Variants in RUNDC3B observed in about 807,000 individuals in gnomAD.
RUNDC3B encodes RUN domain-containing protein 3B.
A neutral mutation model predicts 58.4 loss-of-function variants in RUNDC3B; 33 were observed. The observed-to-expected ratio is 0.56, with a 90% CI of 0.43 to 0.75. The LOEUF is 0.75. Ranked by LOEUF, RUNDC3B falls within the 30% of genes least tolerant of loss-of-function variation. RUNDC3B has a pLI of 0.00. For missense variants in RUNDC3B, 501 were observed against 535.7 expected (o/e 0.94, Z 0.64); for synonymous variants, 193 against 195.2 (o/e 0.99, Z 0.10).
chr7:87,708,833 A>T (rs1228575948), intron 3 of RUNDC3B, among the ~76,000 whole-genome samples: 1 of 152,146 alleles, frequency 6.6e-6, no homozygotes, highest in Non-Finnish European at 1.5e-5. Context: ...TCACACAATT[A>T]TTGGGAGGAT....
chr7:87,830,193 T>C lies in RUNDC3B; in HGVS notation c.*163T>C, dbSNP rs1264420847. ...GATAAGAGATTTTGAGTGAAAAACATAATGATCCTGCCATTTTTCATTTTT... is the reference window on the plus strand; with the variant it reads ...GATAAGAGATTTTGAGTGAAAAACACAATGATCCTGCCATTTTTCATTTTT... On this transcript the variant is annotated 3_prime_UTR_variant, in exon 11 of 11. Coordinates refer to ENST00000394654, the MANE Select transcript of RUNDC3B (RefSeq NM_001134405.2). 2 of 396,516 alleles carry C rather than the reference T, an allele frequency of 5.0e-6. No individual in the cohort carries two copies. Among genetic ancestry groups the C allele is most frequent in the East Asian group, 7.3e-5 (2 of 27,430 alleles). 24.6% of individuals were successfully genotyped at this position (396,516 alleles called of 1,614,324 possible). A position where few individuals can be genotyped will look rare whatever the true frequency, so the allele number is the denominator to read the frequency against.
At position 87,683,597 on chromosome 7, in the gene RUNDC3B, A is replaced by G. The variant is rs563636538; in HGVS notation, c.239-16824A>G. ...GGTAGCTGGAGCATTCAGAACACAC[A>G]CATTTATCAATTAAGCTTGCCATTT... On this transcript the variant is annotated intron_variant, in intron 2 of 10. Transcript: ENST00000394654. Among the ~76,000 whole-genome samples, 7 of 152,286 alleles carry G rather than the reference A, an allele frequency of 4.6e-5. No individual in the cohort carries two copies. The South Asian group carries it at 1.0e-3, about 23-fold the overall frequency.
intron 6 of RUNDC3B, among the ~76,000 whole-genome samples, chr7:87,750,699 G>A (rs1325417020): frequency 1.3e-5 from 2 of 150,796 alleles, no homozygotes; most frequent in Admixed American, 6.6e-5. Flanking sequence ...GTCTGTTCAT[G>A]TCCTTCGCCC....
At chr7:87,820,307 C>T (rs200373955) in intron 10 of RUNDC3B, among the ~76,000 whole-genome samples, 10 of 152,094 alleles carry the variant, frequency 6.6e-5, no homozygotes, top group Non-Finnish European at 1.0e-4. Context: ...ATAAATTCCT[C>T]GACACATACA....
At chr7:87,731,577 T>C (rs1210081239) in intron 4 of RUNDC3B, among the ~76,000 whole-genome samples, 1 of 152,168 alleles carries the variant, frequency 6.6e-6, no homozygotes, top group Non-Finnish European at 1.5e-5. Context: ...TGGAAAAAGA[T>C]ATTCCATGCC....
chr7:87,640,637 G>A (rs1438272111), intron 1 of RUNDC3B, among the ~76,000 whole-genome samples: 1 of 152,134 alleles, frequency 6.6e-6, no homozygotes, highest in Non-Finnish European at 1.5e-5. Context: ...GAGCCACCAC[G>A]TGTGTCTCCA....
At chr7:87,818,092 C>A (rs1050971646) in intron 10 of RUNDC3B, among the ~76,000 whole-genome samples, 1 of 151,892 alleles carries the variant, frequency 6.6e-6, no homozygotes, top group African/African-American at 2.4e-5. Flanking sequence ...CTGTCATAAT[C>A]CATAATGAGT....
chr7:87,727,798 A>G (rs1192144261), intron 4 of RUNDC3B, among the ~76,000 whole-genome samples: 4 of 152,200 alleles, frequency 2.6e-5, no homozygotes, highest in Non-Finnish European at 4.4e-5. Flanking sequence ...AGTATGACAC[A>G]TGAGCTCTTA....
chr7:87,731,133 A>C (rs1471493438), intron 4 of RUNDC3B, among the ~76,000 whole-genome samples: 1 of 152,146 alleles, frequency 6.6e-6, no homozygotes, highest in Non-Finnish European at 1.5e-5. Context: ...CAAGACTGCA[A>C]AAATTACAAT....
At chr7:87,643,835 G>A (rs1323615452) in intron 1 of RUNDC3B, among the ~76,000 whole-genome samples, 1 of 150,460 alleles carries the variant, frequency 6.6e-6, no homozygotes, top group Non-Finnish European at 1.5e-5. Flanking sequence ...CCAAGAATTC[G>A]CAAGTTGCAT....
chr7:87,665,408 T>C (rs1825125087), intron 2 of RUNDC3B, among the ~76,000 whole-genome samples: 2 of 152,170 alleles, frequency 1.3e-5, no homozygotes, highest in East Asian at 1.9e-4. Flanking sequence ...CACTGAAAGT[T>C]ACTAAACATT....
intron 8 of RUNDC3B, among the ~76,000 whole-genome samples, chr7:87,801,149 A>G (rs1836127706): frequency 6.6e-6 from 1 of 152,174 alleles, no homozygotes. Flanking sequence ...CAAATTAGGA[A>G]TGCTCAAGTT....
At chr7:87,704,865 G>C (rs1829450041) in intron 3 of RUNDC3B, among the ~76,000 whole-genome samples, 1 of 152,168 alleles carries the variant, frequency 6.6e-6, no homozygotes, top group Non-Finnish European at 1.5e-5. Context: ...CACGTCTCTG[G>C]ATTGAAGGAT....
chr7:87,682,820 T>A (rs1269820948), intron 2 of RUNDC3B, among the ~76,000 whole-genome samples: 1 of 152,216 alleles, frequency 6.6e-6, no homozygotes, highest in Non-Finnish European at 1.5e-5. Flanking sequence ...ACCAGCTGCG[T>A]TAGCCCCTAA....
At chr7:87,771,658 A>C (rs1352920363) in intron 7 of RUNDC3B, among the ~76,000 whole-genome samples, 6 of 152,220 alleles carry the variant, frequency 3.9e-5, no homozygotes, top group African/African-American at 7.2e-5. Flanking sequence ...TGCATATATT[A>C]GAGAACTGTA....
chr7:87,723,671 A>G (rs1167604958), intron 4 of RUNDC3B, among the ~76,000 whole-genome samples: 1 of 152,192 alleles, frequency 6.6e-6, no homozygotes, highest in African/African-American at 2.4e-5. Flanking sequence ...GTAATTCACC[A>G]TATTCAACTA....
chr7:87,831,534 G>A lies in RUNDC3B; in HGVS notation c.*1504G>A, dbSNP rs1446053611. 2 of 151,938 alleles carry A rather than the reference G, an allele frequency of 1.3e-5. No individual in the cohort carries two copies. Among genetic ancestry groups the A allele is most frequent in the East Asian group, 3.8e-4 (2 of 5,200 alleles). The allele number at this position is 151,938 out of a possible 1,614,324, so 9.4% of individuals were successfully genotyped here. On this transcript the variant is annotated 3_prime_UTR_variant, in exon 11 of 11. Coordinates refer to ENST00000394654, the MANE Select transcript of RUNDC3B (RefSeq NM_001134405.2). ...TTAGATGTGCCAGAACATATTCAGA[G>A]CTTTATTCCTTTAAGCTTAAGGCTT...
At position 87,739,844 on chromosome 7, in the gene RUNDC3B, C is replaced by A; in HGVS notation, c.512C>A (p.Ala171Asp). ...IVLGEEANML[A>D]GMLLGLNAID... ...TTGGGTGAAGAAGCAAATATGCTTG[C>A]TGGCATGCTTCTAGGACTCAATGCT... Residue 171 changes from alanine (A) to aspartate (D), a missense_variant, in exon 5 of 11, where the codon GCT becomes GAT. Ala to Asp is a moderately radical substitution (Grantham distance 126, BLOSUM62 -2). Coordinates refer to ENST00000394654, the MANE Select transcript of RUNDC3B (RefSeq NM_001134405.2). 6.3e-7 allele frequency: 1 copy of A among 1,598,154 alleles called. No individual in the cohort carries two copies. Among genetic ancestry groups the A allele is most frequent in the Non-Finnish European group, 8.6e-7 (1 of 1,168,694 alleles).
At chr7:87,677,326 T>C (rs1826473384) in intron 2 of RUNDC3B, among the ~76,000 whole-genome samples, 1 of 143,692 alleles carries the variant, frequency 7.0e-6, no homozygotes, top group South Asian at 2.2e-4. Flanking sequence ...TGGAATACCA[T>C]TTCAGATTTA....
Sources: allele counts gnomAD v4.1 joint callset (sites outside exome capture counted in the v4.1 genomes callset), GRCh38; gene constraint gnomAD v4.1.1; transcripts MANE v1.5; gene names NCBI Gene and HGNC (gene_info 2026-07-23, HGNC 2026-07-21).